Variants in ADAMTSL5 observed in about 807,000 individuals in gnomAD.
ADAMTSL5 encodes ADAMTS like 5, also known as ADAMTS-like protein 5.
In ADAMTSL5, 53 loss-of-function variants were observed where a neutral mutation model predicts 51.7. The ratio of observed to expected loss-of-function variants is 1.03; its 90% CI spans 0.82 to 1.29. ADAMTSL5 has a LOEUF of 1.29. Ranked by LOEUF, ADAMTSL5 falls within the 50% of genes most tolerant of loss-of-function variation. ADAMTSL5 has a pLI of 0.00. For synonymous variants in ADAMTSL5, 285 were observed against 278.7 expected (o/e 1.02, Z -0.23); for missense variants, 770 against 676.2 (o/e 1.14, Z -1.54).
At chr19:1,509,320 A>G (rs573348395) in intron 5 of ADAMTSL5, among the ~76,000 whole-genome samples, 51 of 151,684 alleles carry the variant, frequency 3.4e-4, no homozygotes, top group South Asian at 1.3e-3. Flanking sequence ...CAAGTACCCA[A>G]TGAAGTGTTT....
rs758490289 is a variant in ADAMTSL5 at position 1,506,967 on chromosome 19, G to A, written c.853-39C>T. On this transcript the variant is annotated intron_variant, in intron 9 of 11. Coordinates refer to ENST00000330475, the MANE Select transcript of ADAMTSL5 (RefSeq NM_213604.3). The surrounding 1 kb of genome is among the most constrained non-coding windows in gnomAD (Gnocchi z 5.6). ...GGGGACACAGGGAGCTTCACAGGAG[G>A]CTGGGGTTGCCTCCTGCCTCTGACC... 3.3e-6 allele frequency: 5 copies of A among 1,522,796 alleles called. No homozygotes were observed. The South Asian group carries it at 6.2e-5, about 19-fold the overall frequency. 94.3% of individuals were successfully genotyped at this position (1,522,796 alleles called of 1,614,324 possible). A position where few individuals can be genotyped will look rare whatever the true frequency, so the allele number is the denominator to read the frequency against.
Position 1,508,469 on chromosome 19 carries a change from C to G in ADAMTSL5, c.463G>C (p.Gly155Arg). 1 of 1,577,314 alleles carries G rather than the reference C, an allele frequency of 6.3e-7. No homozygotes were observed. Among genetic ancestry groups the G allele is most frequent in the Non-Finnish European group, 8.6e-7 (1 of 1,168,464 alleles). The stretch of plus-strand genomic sequence containing the variant: ...AGGCAGCGGCCAGCCACGCAGACCC[C>G]CTGGGCACCCGGGCTGCAGGCGGTG... ...DGTACSPGAQ[G>R]VCVAGRCLSA... Residue 155 changes from glycine (G) to arginine (R), a missense_variant, in exon 6 of 12, where the codon GGG becomes CGG. Coordinates refer to ENST00000330475, the MANE Select transcript of ADAMTSL5 (RefSeq NM_213604.3).
intron 2 of ADAMTSL5, 55 bp downstream of exon 2, chr19:1,510,790 G>A: frequency 6.6e-7 from 1 of 1,518,856 alleles, no homozygotes. Context: ...ACCCCACACT[G>A]CTGACTGGGT....
In ADAMTSL5 at chr19:1,507,270, CCG is replaced by C. The variant is rs771418330; in HGVS notation, c.822_823del (p.Gly275AlafsTer5). Reference sequence around the variant, plus strand: ...TAGGAGCAGGTCATGGGAGGTGGGCCCGGCTGCTTGCAATGTCTCCTGGGGCC... The same window carrying C: ...TAGGAGCAGGTCATGGGAGGTGGGCCGCTGCTTGCAATGTCTCCTGGGGCC... On this transcript the variant is annotated frameshift_variant, in exon 9 of 12. Coordinates refer to ENST00000330475, the MANE Select transcript of ADAMTSL5 (RefSeq NM_213604.3). LOFTEE classifies it high-confidence loss of function. The C allele has an allele frequency of 2.6e-6, 4 of 1,555,140 alleles. No individual in the cohort carries two copies. In the East Asian group the frequency reaches 9.0e-5, roughly 35 times the overall value.
Position 1,510,734 on chromosome 19 carries a change from C to G in ADAMTSL5, c.100-4G>C. On this transcript the variant is annotated splice_polypyrimidine_tract_variant and splice_region_variant and intron_variant, in intron 2 of 11. Transcript: ENST00000330475. ...ACGGGGTCCACTCGCCCGGACCCTA[C>G]TTGGGGAGACAGAGGCACGGTCAGC... is the stretch of plus-strand genomic sequence containing the variant. 1 of 1,531,300 alleles carries G rather than the reference C, an allele frequency of 6.5e-7. No individual in the cohort carries two copies. Among genetic ancestry groups the G allele is most frequent in the African/African-American group, 1.4e-5 (1 of 71,698 alleles). 94.9% of individuals were successfully genotyped at this position (1,531,300 alleles called of 1,614,324 possible). A position where few individuals can be genotyped will look rare whatever the true frequency, so the allele number is the denominator to read the frequency against.
In ADAMTSL5 at chr19:1,506,903, C is replaced by T. The variant is rs1022878985; in HGVS notation, c.878G>A (p.Gly293Asp). Residue 293 changes from glycine to aspartate, a missense_variant, in exon 10 of 12, where the codon GGC (glycine) becomes GAC (aspartate). Transcript: ENST00000330475. The surrounding 1 kb of genome is among the most constrained non-coding windows in gnomAD (Gnocchi z 5.6). ...AGGGAGCCAGAACTCAAACTCGATGCCAGGGTTGGGCTCCTGCAGGAGGAC... is the reference window on the plus strand; with the variant it reads ...AGGGAGCCAGAACTCAAACTCGATGTCAGGGTTGGGCTCCTGCAGGAGGAC... ...LQVLLQEPNP[G>D]IEFEFWLPRE... is the part of the protein sequence containing the mutation. The T allele has an allele frequency of 2.9e-5, 45 of 1,548,620 alleles. No homozygotes were observed. The highest frequency in any genetic ancestry group is 3.5e-5 in the Non-Finnish European group (40 of 1,146,050).
chr19:1,511,769 G>C, intron 1 of ADAMTSL5: 1 of 384,326 alleles, frequency 2.6e-6, no homozygotes, highest in South Asian at 1.9e-5. Context: ...CAGGAGTTGG[G>C]TCCCTAGAAG....
At chr19:1,508,625 C>A (rs1197472954) in intron 5 of ADAMTSL5, 55 bp from the exon 6 acceptor site, 1 of 1,446,678 alleles carries the variant, frequency 6.9e-7, no homozygotes, top group South Asian at 1.4e-5. Flanking sequence ...TCCAGTCCCC[C>A]TCTACCAAGC....
Position 1,506,168 on chromosome 19 carries a change from TGCCA to T in ADAMTSL5, c.1259_1262del (p.Leu420HisfsTer7). 6.2e-7 allele frequency: 1 copy of T among 1,608,944 alleles called. No homozygotes were observed. The highest frequency in any genetic ancestry group is 1.1e-5 in the South Asian group (1 of 90,650). The stretch of plus-strand genomic sequence containing the variant: ...CAGCCATCAGGTAGTCCCGGTGGGG[TGCCA>T]GCATCGGGCAGGGGCAGTGGCCTGG... On this transcript the variant is annotated frameshift_variant, in exon 12 of 12. Transcript: ENST00000330475. LOFTEE classifies it high-confidence loss of function. The surrounding 1 kb of genome is among the most constrained non-coding windows in gnomAD (Gnocchi z 5.6).
At position 1,508,311 on chromosome 19, in the gene ADAMTSL5, G is replaced by A; in HGVS notation, c.489+132C>T. 3 of 1,285,598 alleles carry A rather than the reference G, an allele frequency of 2.3e-6. No homozygotes were observed. The South Asian group carries it at 4.7e-5, about 20-fold the overall frequency. 79.6% of individuals were successfully genotyped at this position (1,285,598 alleles called of 1,614,324 possible). Reference sequence around the variant, plus strand: ...GGGGGGCTGGGGGCAGGGCCTGGAAGGGGAGGGGGAAGGCGGTGGAGCCTA... The same window carrying A: ...GGGGGGCTGGGGGCAGGGCCTGGAAAGGGAGGGGGAAGGCGGTGGAGCCTA... On this transcript the variant is annotated intron_variant, in intron 6 of 11. Transcript: ENST00000330475.
Position 1,510,945 on chromosome 19 carries a change from G to C in ADAMTSL5, c.-2C>G. 7.0e-7 allele frequency: 1 copy of C among 1,426,644 alleles called. No individual in the cohort carries two copies. The highest frequency in any genetic ancestry group is 9.1e-7 in the Non-Finnish European group (1 of 1,094,284). 88.4% of individuals were successfully genotyped at this position (1,426,644 alleles called of 1,614,324 possible). ...GGGGAACAGAGGGGCCGAGTCCATA[G>C]AGCCACCGCCAGAGACACAGGGTTG... On this transcript the variant is annotated 5_prime_UTR_variant, in exon 2 of 12. Transcript: ENST00000330475.
intron 9 of ADAMTSL5, 91 bp downstream of exon 9, chr19:1,507,151 C>A: frequency 6.7e-7 from 1 of 1,484,162 alleles, no homozygotes; most frequent in Non-Finnish European, 9.0e-7. Context: ...CCCTTCTGGC[C>A]CCAGTCACCT....
chr19:1,508,625 C>T (rs1197472954), intron 5 of ADAMTSL5, 55 bp from the exon 6 acceptor site: 3 of 1,446,560 alleles, frequency 2.1e-6, no homozygotes, highest in Admixed American at 2.6e-5. Flanking sequence ...TCCAGTCCCC[C>T]TCTACCAAGC....
chr19:1,506,675 G>A lies in ADAMTSL5; in HGVS notation c.1043-14C>T, dbSNP rs531690505. On this transcript the variant is annotated splice_polypyrimidine_tract_variant and intron_variant, in intron 10 of 11. Transcript: ENST00000330475. This position sits in a 1 kb window ranked among gnomAD's most constrained non-coding sequence, Gnocchi z 5.6. The stretch of plus-strand genomic sequence containing the variant: ...GTGGGCAGGGGTCTGTGGGATGGGC[G>A]GTGCTGTGAGGGGCACAGGCCTCAG... 1.1e-5 allele frequency: 17 copies of A among 1,594,478 alleles called. No homozygotes were observed. The highest frequency in any genetic ancestry group is 1.8e-4 in the Middle Eastern group (1 of 5,442).
In ADAMTSL5 at chr19:1,507,376, G is replaced by C. The variant is rs138119650; in HGVS notation, c.718C>G (p.Leu240Val). 1 of 1,575,684 alleles carries C rather than the reference G, an allele frequency of 6.3e-7. No homozygotes were observed. Among genetic ancestry groups the C allele is most frequent in the Non-Finnish European group, 8.6e-7 (1 of 1,160,190 alleles). The change falls in exon 9 of 12, where the codon CTT becomes GTT. Residue 240 changes from leucine (L) to valine (V), a missense_variant. Coordinates refer to ENST00000330475, the MANE Select transcript of ADAMTSL5 (RefSeq NM_213604.3). ...ALMGGDGRYV[L>V]NGHWVVSPPG... ...GGGCTGACCACCCAGTGCCCATTAAGCACGTAGCGCCCATCGCCCCCCATC... is the reference window on the plus strand; with the variant it reads ...GGGCTGACCACCCAGTGCCCATTAACCACGTAGCGCCCATCGCCCCCCATC...
At chr19:1,507,207 G>A in intron 9 of ADAMTSL5, 35 bp downstream of exon 9, 1 of 1,510,238 alleles carries the variant, frequency 6.6e-7, no homozygotes. Context: ...GTCCCCAGCC[G>A]ACCCCCTCTG....
Position 1,506,784 on chromosome 19 carries a change from CG to C in ADAMTSL5, c.996del (p.Ala333GlnfsTer95), listed in dbSNP as rs747391301. The stretch of plus-strand genomic sequence containing the variant: ...TGTGCAGGGGTGACAGCAGGGGCTG[CG>C]GGGGGCTGAGGCTCCACCCCCCGGG... The part of the protein sequence containing the change: ...PQPRGVEPQP[P>X]AAPAVTPAQT... On this transcript the variant is annotated frameshift_variant, in exon 10 of 12. Transcript: ENST00000330475. LOFTEE classifies it high-confidence loss of function. The surrounding 1 kb of genome is among the most constrained non-coding windows in gnomAD (Gnocchi z 5.6). 2 of 1,542,198 alleles carry C rather than the reference CG, an allele frequency of 1.3e-6. No homozygotes were observed. Among genetic ancestry groups the C allele is most frequent in the South Asian group, 1.2e-5 (1 of 83,362 alleles).
Position 1,505,971 on chromosome 19 carries a change from G to A in ADAMTSL5, c.*44C>T. ...AATACGTTGACGTTGAGGCTGGTCA[G>A]ATGTATCTTTCTTGCTGTGTGTGGC... On this transcript the variant is annotated 3_prime_UTR_variant, in exon 12 of 12. Coordinates refer to ENST00000330475, the MANE Select transcript of ADAMTSL5 (RefSeq NM_213604.3). The A allele has an allele frequency of 6.8e-7, 1 of 1,480,514 alleles. No homozygotes were observed. The highest frequency in any genetic ancestry group is 8.9e-7 in the Non-Finnish European group (1 of 1,121,334). The allele number at this position is 1,480,514 out of a possible 1,614,324, so 91.7% of individuals were successfully genotyped here.
intron 1 of ADAMTSL5, chr19:1,511,495 T>G (rs1239328443): frequency 1.7e-6 from 2 of 1,147,292 alleles, no homozygotes; most frequent in African/African-American, 3.2e-5. Flanking sequence ...GATATGTGTA[T>G]TGTGCTATAA....
Sources: gnomAD v4.1 joint callset for allele counts (sites outside exome capture counted in the v4.1 genomes callset) on GRCh38, gnomAD v4.1.1 for gene constraint, Gnocchi (gnomAD v3.1) non-coding constraint, MANE v1.5 for transcripts, NCBI Gene and HGNC (gene_info 2026-07-23, HGNC 2026-07-21) for gene names.